Variants in TOR1AIP2 observed in about 807,000 individuals in gnomAD.
TOR1AIP2 encodes the protein torsin 1A interacting protein 2.
A neutral mutation model predicts 32.6 loss-of-function variants in TOR1AIP2; 20 were observed. The ratio of observed to expected loss-of-function variants is 0.61; its 90% CI spans 0.43 to 0.89. The LOEUF (loss-of-function observed/expected upper bound fraction) is 0.89, where lower values mean the gene tolerates loss of function less well. Ranked by LOEUF, TOR1AIP2 falls within the 40% of genes least tolerant of loss-of-function variation. The pLI, the probability that TOR1AIP2 is intolerant of heterozygous loss-of-function variation, is 0.00. For synonymous variants in TOR1AIP2, 214 were observed against 210.8 expected, an observed-to-expected ratio of 1.02 and a Z score of -0.13; for missense variants, 456 against 553.8, an observed-to-expected ratio of 0.82 and a Z score of 1.77.
chr1:179,864,189 T>C (rs1696673156), intron 3 of TOR1AIP2: 1 of 985,336 alleles, frequency 1.0e-6, no homozygotes, highest in Non-Finnish European at 1.2e-6. Flanking sequence ...TGACCAGTTA[T>C]CAATAATCTC....
intron 3 of TOR1AIP2, among the ~76,000 whole-genome samples, chr1:179,856,129 ACAC>A (rs1696292863): frequency 6.6e-6 from 1 of 152,174 alleles, no homozygotes; most frequent in South Asian, 2.1e-4. Context: ...AGGCAAGATC[ACAC>A]CACTTCACTC....
At chr1:179,861,462 G>C (rs889535425) in intron 3 of TOR1AIP2, 36 of 985,142 alleles carry the variant, frequency 3.7e-5, no homozygotes, top group Non-Finnish European at 4.3e-5. Context: ...TCATATAACA[G>C]GTATGTGATG....
In TOR1AIP2 at chr1:179,851,002, T is replaced by C; in HGVS notation, c.396A>G (p.Leu132=). 1 of 1,614,204 alleles carries C rather than the reference T, an allele frequency of 6.2e-7. No individual in the cohort carries two copies. Among genetic ancestry groups the C allele is most frequent in the East Asian group, 2.2e-5 (1 of 44,886 alleles). ...TAGGGAGGGCCACAGAGCTGCTCCCTAAGTGTGCATCTGCTCTTCCTACCT... is the reference window on the plus strand; with the variant it reads ...TAGGGAGGGCCACAGAGCTGCTCCCCAAGTGTGCATCTGCTCTTCCTACCT... ...SDKVGRADAH[L]GSSSVALPKE... Residue 132 remains leucine, a synonymous_variant, in exon 5 of 7, where the codon TTA becomes TTG. Coordinates refer to ENST00000609928, the MANE Select transcript of TOR1AIP2 (RefSeq NM_001199260.2).
intron 2 of TOR1AIP2, among the ~76,000 whole-genome samples, chr1:179,866,435 A>G (rs1418158859): frequency 1.3e-5 from 2 of 151,644 alleles, no homozygotes; most frequent in African/African-American, 4.9e-5. Flanking sequence ...TTTTTGAGAC[A>G]GAGTTTCATT....
chr1:179,861,408 A>C (rs1696523742), intron 3 of TOR1AIP2: 3 of 985,340 alleles, frequency 3.0e-6, no homozygotes, highest in Non-Finnish European at 3.6e-6. Flanking sequence ...TCCTTTGCTC[A>C]ATTTTATGAG....
chr1:179,840,806 A>T lies in TOR1AIP2; in HGVS notation c.*5265T>A, dbSNP rs1695695875. ...AATACCTAATGTAGATGACGGGTTGATGGGTGCAGCAAACCACCATGGCAC... is the reference window on the plus strand; with the variant it reads ...AATACCTAATGTAGATGACGGGTTGTTGGGTGCAGCAAACCACCATGGCAC... On this transcript the variant is annotated 3_prime_UTR_variant, in exon 7 of 7. Coordinates refer to ENST00000609928, the MANE Select transcript of TOR1AIP2 (RefSeq NM_001199260.2). 1 of 151,862 alleles carries T rather than the reference A, an allele frequency of 6.6e-6. No individual in the cohort carries two copies. Among genetic ancestry groups the T allele is most frequent in the Admixed American group, 6.6e-5 (1 of 15,256 alleles). The allele number at this position is 151,862 out of a possible 1,614,324, so 9.4% of individuals were successfully genotyped here.
At chr1:179,876,046 C>T (rs1396213105) in intron 2 of TOR1AIP2, 1 of 152,050 alleles carries the variant, frequency 6.6e-6, no homozygotes, top group Non-Finnish European at 1.5e-5. Flanking sequence ...TGGAAGTTGT[C>T]GAATCTCCAA....
chr1:179,850,551 G>A (rs1159276079), intron 5 of TOR1AIP2, among the ~76,000 whole-genome samples: 1 of 152,172 alleles, frequency 6.6e-6, no homozygotes, highest in Non-Finnish European at 1.5e-5. Context: ...TTTTTTAAAA[G>A]TCATGCCCCT....
chr1:179,859,377 G>A (rs1194380578), intron 3 of TOR1AIP2: 3 of 978,492 alleles, frequency 3.1e-6, no homozygotes, highest in South Asian at 4.7e-5. Context: ...GACTACTGAG[G>A]GCAGTTAGGA....
intron 5 of TOR1AIP2, among the ~76,000 whole-genome samples, chr1:179,848,787 T>C (rs1483505486): frequency 1.3e-5 from 2 of 151,898 alleles, no homozygotes; most frequent in Non-Finnish European, 2.9e-5. Context: ...ACTTAACCTA[T>C]CATGAAAAAA....
chr1:179,853,271 C>T (rs1696181334), intron 3 of TOR1AIP2, among the ~76,000 whole-genome samples: 3 of 152,336 alleles, frequency 2.0e-5, no homozygotes. Context: ...TTCCCACAAA[C>T]TGAGATGGCT....
intron 3 of TOR1AIP2, among the ~76,000 whole-genome samples, chr1:179,857,409 C>T (rs768228854): frequency 4.6e-5 from 7 of 152,282 alleles, no homozygotes; most frequent in East Asian, 1.9e-4. Flanking sequence ...ACCTACTAGA[C>T]GGCCGGCTGA....
intron 3 of TOR1AIP2, among the ~76,000 whole-genome samples, chr1:179,856,680 A>C (rs1465532682): frequency 6.6e-6 from 1 of 152,040 alleles, no homozygotes; most frequent in African/African-American, 2.4e-5. Context: ...GAAGTGGTGT[A>C]ATCTTGGCTC....
intron 4 of TOR1AIP2, among the ~76,000 whole-genome samples, chr1:179,851,757 C>G (rs1308360095): frequency 6.6e-6 from 1 of 152,184 alleles, no homozygotes; most frequent in African/African-American, 2.4e-5. Flanking sequence ...ATCATGAAAA[C>G]AGGGAAACCC....
intron 3 of TOR1AIP2, among the ~76,000 whole-genome samples, chr1:179,856,028 C>G (rs1696288350): frequency 6.6e-6 from 1 of 151,648 alleles, no homozygotes; most frequent in African/African-American, 2.4e-5. Flanking sequence ...AAAAAAAATA[C>G]AAAAACTAGC....
In TOR1AIP2 at chr1:179,841,154, C is replaced by A. The variant is rs377470788; in HGVS notation, c.*4917G>T. ...CATCTTTGCAAATATATTATTCAAC[C>A]AAGCATTTGCCATAAAGATAAGCAT... is the stretch of plus-strand genomic sequence containing the variant. On this transcript the variant is annotated 3_prime_UTR_variant, in exon 7 of 7. Transcript: ENST00000609928. 1 of 152,048 alleles carries A rather than the reference C, an allele frequency of 6.6e-6. No individual in the cohort carries two copies. Among genetic ancestry groups the A allele is most frequent in the Non-Finnish European group, 1.5e-5 (1 of 68,024 alleles). The allele number at this position is 152,048 out of a possible 1,614,324, so 9.4% of individuals were successfully genotyped here.
chr1:179,861,897 A>C, intron 3 of TOR1AIP2: 1 of 936,548 alleles, frequency 1.1e-6, no homozygotes, highest in Non-Finnish European at 1.3e-6. Flanking sequence ...CAGTGGTCTG[A>C]CTATCTTGCC....
chr1:179,865,878 G>A lies in TOR1AIP2; in HGVS notation c.-565-24C>T, dbSNP rs190700067. 8.3e-4 allele frequency: 126 copies of A among 152,718 alleles called. 1 individual carries two copies. Among genetic ancestry groups the A allele is most frequent in the African/African-American group, 3.0e-3 (123 of 41,558 alleles). 9.5% of individuals were successfully genotyped at this position (152,718 alleles called of 1,614,324 possible). A position where few individuals can be genotyped will look rare whatever the true frequency, so the allele number is the denominator to read the frequency against. ...ACCTGTAAATGATAAAACTTCAGAC[G>A]ACTCATGGGTTTTGCAGTTGTTCAC... On this transcript the variant is annotated intron_variant, in intron 2 of 6. Transcript: ENST00000609928.
At chr1:179,860,894 T>G (rs889474171) in intron 3 of TOR1AIP2, 1 of 985,464 alleles carries the variant, frequency 1.0e-6, no homozygotes. Flanking sequence ...ACATGTGGAC[T>G]GCCACATATT....
Sources: gnomAD v4.1 joint callset for allele counts (sites outside exome capture counted in the v4.1 genomes callset) on GRCh38, gnomAD v4.1.1 for gene constraint, MANE v1.5 for transcripts, NCBI Gene and HGNC (gene_info 2026-07-23, HGNC 2026-07-21) for gene names.